Variants in GABRP observed in about 807,000 individuals in gnomAD.
GABRP encodes gamma-aminobutyric acid receptor subunit pi.
GABRP carries 52 observed loss-of-function variants against 47.8 expected under a neutral mutation model. The observed-to-expected ratio is 1.09, with a 90% CI of 0.87 to 1.37. The LOEUF (loss-of-function observed/expected upper bound fraction) is 1.37, where lower values mean the gene tolerates loss of function less well. Among genes scored for constraint, GABRP ranks in the 40% most tolerant of loss-of-function variants. The pLI is 0.00. For missense variants in GABRP, 525 were observed against 542.8 expected, an observed-to-expected ratio of 0.97 and a Z score of 0.33; for synonymous variants, 221 against 205.8, an observed-to-expected ratio of 1.07 and a Z score of -0.63.
chr5:170,801,851 G>C (rs1396999459), intron 6 of GABRP, among the ~76,000 whole-genome samples: 1 of 97,096 alleles, frequency 1.0e-5, no homozygotes, highest in Non-Finnish European at 1.9e-5. Flanking sequence ...ACAATGAAAA[G>C]TAATGGGGGG....
Position 170,812,381 on chromosome 5 carries a change from G to C in GABRP, c.*123G>C. The C allele has an allele frequency of 2.7e-6, 2 of 738,540 alleles. No homozygotes were observed. The highest frequency in any genetic ancestry group is 4.4e-6 in the Non-Finnish European group (2 of 450,132). The allele number at this position is 738,540 out of a possible 1,614,324, so 45.7% of individuals were successfully genotyped here. On this transcript the variant is annotated 3_prime_UTR_variant, in exon 10 of 10. Transcript: ENST00000265294. ...GCTACAAGTGACTGAAATAATATTTGAGTCTTTCTGCTCAAAGAATGAAGC... is the reference window on the plus strand; with the variant it reads ...GCTACAAGTGACTGAAATAATATTTCAGTCTTTCTGCTCAAAGAATGAAGC...
chr5:170,790,145 T>G (rs756463316), intron 3 of GABRP, among the ~76,000 whole-genome samples: 1 of 152,224 alleles, frequency 6.6e-6, no homozygotes, highest in Non-Finnish European at 1.5e-5. Context: ...AAATTGCTGA[T>G]TAATATCTGT....
At position 170,811,968 on chromosome 5, in the gene GABRP, G is replaced by C. The variant is rs750280533; in HGVS notation, c.1033G>C (p.Glu345Gln). ...GTCTATGAACTAGGGGACAACAAAG[G>C]AAGTAGAAGAAGTCAGTATTACTAA... ...MAAKDRGTTK[E>Q]VEEVSITNII... Residue 345 changes from glutamate to glutamine, a missense_variant, in exon 10 of 10, where the codon GAA becomes CAA. Transcript: ENST00000265294. The C allele has an allele frequency of 1.2e-5, 20 of 1,613,464 alleles. No homozygotes were observed. Among genetic ancestry groups the C allele is most frequent in the Non-Finnish European group, 1.7e-5 (20 of 1,179,502 alleles).
At chr5:170,792,615 G>C (rs947320147) in intron 3 of GABRP, among the ~76,000 whole-genome samples, 14 of 152,164 alleles carry the variant, frequency 9.2e-5, no homozygotes, top group African/African-American at 3.4e-4. Flanking sequence ...CAGAGGGGCA[G>C]AAAGCCACTT....
intron 6 of GABRP, among the ~76,000 whole-genome samples, chr5:170,801,763 T>C (rs1166559052): frequency 6.6e-6 from 1 of 152,056 alleles, no homozygotes; most frequent in Non-Finnish European, 1.5e-5. Context: ...CAGATAAAAG[T>C]AATGCTGCAG....
rs368063746 is a variant in GABRP, at chr5:170,805,680, C to T, written c.542-36C>T. 7.4e-6 allele frequency: 12 copies of T among 1,612,534 alleles called. No homozygotes were observed. In the African/African-American group the frequency reaches 1.2e-4, roughly 16 times the overall value. On this transcript the variant is annotated intron_variant, in intron 6 of 9. Coordinates refer to ENST00000265294, the MANE Select transcript of GABRP (RefSeq NM_014211.3). ...GACCAGACCAGTTCAATCTGGAACA[C>T]CCTTGCACTGACCAGGGCTCCATTT...
In GABRP at chr5:170,805,773, G is replaced by A. The variant is rs112704076; in HGVS notation, c.599G>A (p.Arg200His). The change falls in exon 7 of 10, where the codon CGT (arginine) becomes CAT (histidine). Residue 200 changes from arginine to histidine, a missense_variant. Transcript: ENST00000265294. ...TGGCTGAGAGGGAACGACTCTGTGC[G>A]TGGACTGGAACACCTGCGGCTTGCT... ...FTWLRGNDSV[R>H]GLEHLRLAQY... The A allele has an allele frequency of 2.2e-3, 3,592 of 1,614,152 alleles. 84 individuals are homozygous for A. The African/African-American group carries it at 0.042, about 19-fold the overall frequency.
intron 1 of GABRP, among the ~76,000 whole-genome samples, chr5:170,784,477 G>A (rs1765079284): frequency 6.6e-6 from 1 of 152,030 alleles, no homozygotes; most frequent in Middle Eastern, 3.4e-3. Flanking sequence ...GAAGAGGCGG[G>A]GGAGACTGGG....
intron 6 of GABRP, 51 bp downstream of exon 6, chr5:170,797,599 G>A: frequency 9.1e-7 from 1 of 1,104,288 alleles, no homozygotes; most frequent in Non-Finnish European, 1.4e-6. Context: ...GGTGACTTAG[G>A]TGTGTGTATT....
rs1765941580 is a variant in GABRP at position 170,813,318 on chromosome 5, T to A, written c.*1060T>A. The stretch of plus-strand genomic sequence containing the variant: ...ATCCCTTTGCTCTAATGATCAGGAA[T>A]GATGCTTATTAGAAAACAAACTGCT... On this transcript the variant is annotated 3_prime_UTR_variant, in exon 10 of 10. Coordinates refer to ENST00000265294, the MANE Select transcript of GABRP (RefSeq NM_014211.3). 6.6e-6 allele frequency: 1 copy of A among 152,352 alleles called. No individual in the cohort carries two copies. The highest frequency in any genetic ancestry group is 1.5e-5 in the Non-Finnish European group (1 of 68,066). The allele number at this position is 152,352 out of a possible 1,614,324, so 9.4% of individuals were successfully genotyped here.
At chr5:170,792,018 G>C (rs1358377115) in intron 3 of GABRP, among the ~76,000 whole-genome samples, 1 of 152,202 alleles carries the variant, frequency 6.6e-6, no homozygotes, top group Admixed American at 6.5e-5. Flanking sequence ...GTTCCACCAT[G>C]AGGCTTAATC....
chr5:170,789,635 G>C (rs116259989), intron 3 of GABRP, among the ~76,000 whole-genome samples: 3,254 of 152,218 alleles, frequency 0.021, 120 homozygotes, highest in African/African-American at 0.066. Flanking sequence ...CCATCTGGAT[G>C]CCTCCTGGGT....
intron 1 of GABRP, 51 bp from the exon 2 acceptor site, chr5:170,788,523 C>A: frequency 8.2e-7 from 1 of 1,219,720 alleles, no homozygotes; most frequent in Admixed American, 1.7e-5. Flanking sequence ...TGGCCAGGAG[C>A]AGGTGAGCCT....
intron 8 of GABRP, 106 bp downstream of exon 8, chr5:170,808,858 T>A: frequency 1.1e-6 from 1 of 929,232 alleles, no homozygotes; most frequent in East Asian, 2.4e-5. Flanking sequence ...GTTCCAAGAG[T>A]TGTTTTCTTG....
chr5:170,788,363 T>G (rs1204189252), intron 1 of GABRP: 1 of 388,538 alleles, frequency 2.6e-6, no homozygotes, highest in Non-Finnish European at 4.3e-6. Context: ...AAATAAAAAA[T>G]TAAAAAAAAA....
upstream of GABRP, chr5:170,782,990 G>A (rs1246107580): frequency 6.7e-6 from 1 of 149,864 alleles, no homozygotes; most frequent in African/African-American, 2.5e-5. Context: ...AAGCACTTCT[G>A]TTAGGAGGTT....
chr5:170,806,617 A>G (rs1561814988), intron 7 of GABRP, among the ~76,000 whole-genome samples: 1 of 152,040 alleles, frequency 6.6e-6, no homozygotes, highest in Non-Finnish European at 1.5e-5. Context: ...TAATTTTTGT[A>G]TTTTTGGTAG....
At chr5:170,789,707 AG>A (rs1263725392) in intron 3 of GABRP, among the ~76,000 whole-genome samples, 1 of 151,980 alleles carries the variant, frequency 6.6e-6, no homozygotes, top group Non-Finnish European at 1.5e-5. Context: ...CAGGCACACT[AG>A]GCCCTTCCCA....
intron 9 of GABRP, chr5:170,810,057 A>C (rs1402621607): frequency 1.5e-6 from 1 of 664,858 alleles, no homozygotes; most frequent in East Asian, 2.7e-5. Flanking sequence ...TCCAATATGA[A>C]AAAAACATGA....
Sources: allele counts gnomAD v4.1 joint callset (sites outside exome capture counted in the v4.1 genomes callset), GRCh38; gene constraint gnomAD v4.1.1; transcripts MANE v1.5; gene names NCBI Gene and HGNC (gene_info 2026-07-23, HGNC 2026-07-21).